Variants in YBEY observed in about 807,000 individuals in gnomAD.
YBEY encodes the protein endoribonuclease YbeY.
YBEY carries 15 observed loss-of-function variants against 13.5 expected under a neutral mutation model. The observed-to-expected ratio is 1.11, with a 90% CI of 0.75 to 1.72. The LOEUF (loss-of-function observed/expected upper bound fraction) is 1.72, where lower values mean the gene tolerates loss of function less well. Among genes scored for constraint, YBEY ranks in the 40% most tolerant of loss-of-function variants. The pLI is 0.00. For synonymous variants in YBEY, 101 were observed against 83.1 expected (o/e 1.21, Z -1.17); for missense variants, 244 against 208.4 (o/e 1.17, Z -1.05).
At chr21:46,300,566 C>T (rs564158308), downstream of YBEY, 31 of 997,700 alleles carry the variant, frequency 3.1e-5, no homozygotes, top group African/African-American at 3.4e-5. Flanking sequence ...TCAAGAGGCA[C>T]GAAAAGATGG....
At chr21:46,287,719 G>A (rs952207121) in intron 2 of YBEY, among the ~76,000 whole-genome samples, 3 of 152,102 alleles carry the variant, frequency 2.0e-5, no homozygotes, top group Non-Finnish European at 2.9e-5. Flanking sequence ...AGCCGAGCGC[G>A]ATGGCTCATA....
intron 4 of YBEY, 120 bp from the exon 5 acceptor site, chr21:46,297,419 G>T: frequency 2.4e-5 from 24 of 998,612 alleles, no homozygotes; most frequent in Non-Finnish European, 3.1e-5. Flanking sequence ...CTGAGCTAGA[G>T]CCGCGCGGGC....
the YBEY span, among the ~76,000 whole-genome samples, chr21:46,309,276 C>T: frequency 6.6e-6 from 1 of 152,010 alleles, no homozygotes; most frequent in African/African-American, 2.4e-5. Flanking sequence ...GCCTGGTCAA[C>T]ATGGTGAAAC....
chr21:46,291,652 G>A, intron 3 of YBEY, 190 bp downstream of exon 3: 1 of 1,384,386 alleles, frequency 7.2e-7, no homozygotes, highest in Admixed American at 3.4e-5. Context: ...CACAGTTGAA[G>A]GAGGGAGAGA....
At chr21:46,302,390 C>T, downstream of YBEY, 12 of 1,124,738 alleles carry the variant, frequency 1.1e-5, no homozygotes, top group Non-Finnish European at 1.5e-5. Flanking sequence ...GCCAGGAATG[C>T]CCTTTCAGAG....
chr21:46,302,031 C>CA, downstream of YBEY: 1 of 1,535,308 alleles, frequency 6.5e-7, no homozygotes, highest in East Asian at 2.5e-5. Flanking sequence ...AGGCTGGGGG[C>CA]GGGCTGGAGG....
chr21:46,302,525 AGG>A, downstream of YBEY: 4 of 1,612,474 alleles, frequency 2.5e-6, no homozygotes, highest in Non-Finnish European at 3.4e-6. Flanking sequence ...CCAGTTCTGC[AGG>A]ACCAACTGGT....
rs201171074 is a variant in YBEY, at chr21:46,292,322, G to T, written c.339+860G>T. ...CAGCAGGGCAAGCTGGGGAAGCAAGGCCTGCGGGCTGGTTCTCCTCAGGAC... is the reference window on the plus strand; with the variant it reads ...CAGCAGGGCAAGCTGGGGAAGCAAGTCCTGCGGGCTGGTTCTCCTCAGGAC... On this transcript the variant is annotated intron_variant, in intron 3 of 4. Transcript: ENST00000397701. The T allele has an allele frequency of 5.9e-5, 9 of 152,364 alleles. No individual in the cohort carries two copies. The East Asian group carries it at 1.7e-3, about 29-fold the overall frequency. The allele number at this position is 152,364 out of a possible 1,614,324, so 9.4% of individuals were successfully genotyped here. A position where few individuals can be genotyped will look rare whatever the true frequency, so the allele number is the denominator to read the frequency against.
downstream of YBEY, chr21:46,301,922 T>C: frequency 7.2e-7 from 1 of 1,390,926 alleles, no homozygotes; most frequent in Non-Finnish European, 9.3e-7. Context: ...CTCCCTTCCA[T>C]AGTCCCGCCA....
the YBEY span, among the ~76,000 whole-genome samples, chr21:46,307,933 C>T: frequency 1.3e-5 from 2 of 152,178 alleles, no homozygotes. Flanking sequence ...ATAACTAGAA[C>T]TCACAAACAT....
In YBEY at chr21:46,297,713, G is replaced by A; in HGVS notation, c.*79G>A. 1 of 1,255,716 alleles carries A rather than the reference G, an allele frequency of 8.0e-7. No individual in the cohort carries two copies. The highest frequency in any genetic ancestry group is 1.0e-6 in the Non-Finnish European group (1 of 991,672). The allele number at this position is 1,255,716 out of a possible 1,614,324, so 77.8% of individuals were successfully genotyped here. On this transcript the variant is annotated 3_prime_UTR_variant, in exon 5 of 5. Transcript: ENST00000397701. ...CCGGGGTCGCACACGAATAAATAACGAATGAACGTACGAGGGGAACCTCCT... is the reference window on the plus strand; with the variant it reads ...CCGGGGTCGCACACGAATAAATAACAAATGAACGTACGAGGGGAACCTCCT...
chr21:46,300,984 G>T, downstream of YBEY: 1 of 791,428 alleles, frequency 1.3e-6, no homozygotes, highest in Non-Finnish European at 1.7e-6. Flanking sequence ...AGGGGAGTGA[G>T]CCGCCCTTCC....
intron 3 of YBEY, chr21:46,291,845 T>C (rs1161428628): frequency 5.6e-6 from 6 of 1,063,924 alleles, no homozygotes; most frequent in Non-Finnish European, 6.8e-6. Flanking sequence ...AATCCACCTA[T>C]GGGTTCTTCC....
chr21:46,303,144 A>T, the YBEY span, among the ~76,000 whole-genome samples: 1 of 151,934 alleles, frequency 6.6e-6, no homozygotes, highest in Admixed American at 6.6e-5. Flanking sequence ...AGCCTGGGCA[A>T]CCAGGGCGAA....
chr21:46,303,391 G>A, the YBEY span, among the ~76,000 whole-genome samples: 1 of 151,764 alleles, frequency 6.6e-6, no homozygotes, highest in Non-Finnish European at 1.5e-5. Flanking sequence ...CATGAAGAGA[G>A]TGAAAAGGCA....
At chr21:46,294,978 G>C (rs1310267861) in intron 3 of YBEY, among the ~76,000 whole-genome samples, 2 of 152,124 alleles carry the variant, frequency 1.3e-5, no homozygotes, top group Admixed American at 1.3e-4. Context: ...CCAGACCTGG[G>C]TGGGACTTGC....
chr21:46,311,690 TCCAACCAACCAACCAACCAA>T, the YBEY span: 1 of 475,580 alleles, frequency 2.1e-6, no homozygotes, highest in Non-Finnish European at 3.7e-6. Context: ...CACCCATCCA[TCCAACCAACCAACCAACCAA>T]CCAACCATCC....
chr21:46,296,549 GGAGT>G (rs1173958290), intron 4 of YBEY, among the ~76,000 whole-genome samples: 1 of 152,208 alleles, frequency 6.6e-6, no homozygotes, highest in Non-Finnish European at 1.5e-5. Context: ...AGCTCTGCGT[GGAGT>G]GAGTTCCGGG....
At chr21:46,302,484 C>T (rs753500435), downstream of YBEY, 18 of 1,603,914 alleles carry the variant, frequency 1.1e-5, no homozygotes, top group East Asian at 2.9e-4. Context: ...GCTAAGCCTA[C>T]CTGCAGGGCT....
Sources: allele counts gnomAD v4.1 joint callset (sites outside exome capture counted in the v4.1 genomes callset), GRCh38; gene constraint gnomAD v4.1.1; transcripts MANE v1.5; gene names NCBI Gene and HGNC (gene_info 2026-07-23, HGNC 2026-07-21).